ERBB4: variants seen among roughly 807,000 people sequenced by gnomAD.
ERBB4 encodes the protein receptor tyrosine-protein kinase erbB-4.
Under a neutral mutation model 158.0 loss-of-function variants are expected in ERBB4, and 42 were observed. The ratio of observed to expected loss-of-function variants is 0.27; its 90% CI spans 0.21 to 0.34. The LOEUF is 0.34. Ranked by LOEUF, ERBB4 falls within the 10% of genes least tolerant of loss-of-function variation. The pLI, the probability that ERBB4 is intolerant of heterozygous loss-of-function variation, is 1.00. For missense variants in ERBB4, 1,333 were observed against 1,624.1 expected, an observed-to-expected ratio of 0.82 and a Z score of 3.08; for synonymous variants, 583 against 558.7, an observed-to-expected ratio of 1.04 and a Z score of -0.61.
intron 2 of ERBB4, among the ~76,000 whole-genome samples, chr2:212,088,896 CAGT>C (rs534342068): frequency 1.3e-5 from 2 of 152,204 alleles, no homozygotes; most frequent in East Asian, 3.9e-4. Flanking sequence ...CAGTTTACAG[CAGT>C]AACCAAAAGC....
chr2:211,617,486 G>GA (rs2069434471), intron 19 of ERBB4, among the ~76,000 whole-genome samples: 1 of 152,070 alleles, frequency 6.6e-6, no homozygotes, highest in Non-Finnish European at 1.5e-5. Context: ...ACTGGAGAAA[G>GA]AAACAATATT....
intron 2 of ERBB4, among the ~76,000 whole-genome samples, chr2:212,001,162 CTT>C (rs1451414888): frequency 1.3e-5 from 2 of 152,102 alleles, no homozygotes; most frequent in African/African-American, 4.8e-5. Context: ...CACTACTAGA[CTT>C]AAAGAGTTAT....
chr2:211,978,494 A>G (rs1431207041), intron 2 of ERBB4, among the ~76,000 whole-genome samples: 1 of 151,952 alleles, frequency 6.6e-6, no homozygotes, highest in African/African-American at 2.4e-5. Flanking sequence ...CAGAGGCTTG[A>G]TCATCACTCA....
intron 12 of ERBB4, among the ~76,000 whole-genome samples, chr2:211,696,700 C>T (rs988648747): frequency 1.1e-4 from 16 of 151,928 alleles, no homozygotes; most frequent in African/African-American, 3.6e-4. Context: ...GAAGGAATCA[C>T]TCTCTGTTGC....
At chr2:211,836,618 C>T (rs932824140) in intron 3 of ERBB4, among the ~76,000 whole-genome samples, 2 of 151,974 alleles carry the variant, frequency 1.3e-5, no homozygotes, top group African/African-American at 4.8e-5. Context: ...GGACAATAGA[C>T]CATGCATATC....
intron 1 of ERBB4, among the ~76,000 whole-genome samples, chr2:212,491,205 G>C: frequency 6.6e-6 from 1 of 151,628 alleles, no homozygotes; most frequent in East Asian, 1.9e-4. Flanking sequence ...TCGCAAATCA[G>C]TTTACTGCCA....
intron 3 of ERBB4, among the ~76,000 whole-genome samples, chr2:211,809,668 G>T (rs930156277): frequency 6.6e-6 from 1 of 151,982 alleles, no homozygotes; most frequent in Non-Finnish European, 1.5e-5. Context: ...TTTTTTGAAG[G>T]GGTTTTGGGT....
In ERBB4 at chr2:212,099,114, G is replaced by A. The variant is rs558679403; in HGVS notation, c.234+25638C>T. ...TTTTGAGGCCAGGAGTTCAAGACTA[G>A]CCTGAGCAACATGGACAGAGCCCCT... On this transcript the variant is annotated intron_variant, in intron 2 of 27. Transcript: ENST00000342788. 4.6e-5 allele frequency among the ~76,000 whole-genome samples: 7 copies of A among 151,180 alleles called. No homozygotes were observed. The South Asian group carries it at 1.5e-3, about 31-fold the overall frequency.
chr2:212,452,199 G>C (rs1367865783), intron 1 of ERBB4, among the ~76,000 whole-genome samples: 1 of 152,012 alleles, frequency 6.6e-6, no homozygotes, highest in African/African-American at 2.4e-5. Flanking sequence ...TAATGACCTT[G>C]CATATTTTAT....
intron 3 of ERBB4, among the ~76,000 whole-genome samples, chr2:211,861,227 T>C (rs2078039690): frequency 7.6e-6 from 1 of 131,928 alleles, no homozygotes; most frequent in Non-Finnish European, 1.6e-5. Flanking sequence ...TGCAGTGGTG[T>C]GATTATGGCT....
intron 25 of ERBB4, among the ~76,000 whole-genome samples, chr2:211,396,365 ATGAG>A (rs2062917308): frequency 6.6e-6 from 1 of 152,130 alleles, no homozygotes; most frequent in African/African-American, 2.4e-5. Flanking sequence ...TTATCAACAA[ATGAG>A]TGATGTTCAC....
chr2:211,866,883 A>T (rs2078218745), intron 3 of ERBB4, among the ~76,000 whole-genome samples: 1 of 152,014 alleles, frequency 6.6e-6, no homozygotes, highest in African/African-American at 2.4e-5. Context: ...GAACAAACAC[A>T]TAAACCAAAA....
At chr2:212,129,955 T>G (rs968205102) in intron 1 of ERBB4, among the ~76,000 whole-genome samples, 1 of 152,202 alleles carries the variant, frequency 6.6e-6, no homozygotes, top group African/African-American at 2.4e-5. Context: ...GAAGAACTGG[T>G]TTGGATAGGC....
At chr2:211,831,485 G>C (rs1411925129) in intron 3 of ERBB4, among the ~76,000 whole-genome samples, 2 of 152,082 alleles carry the variant, frequency 1.3e-5, no homozygotes, top group Non-Finnish European at 2.9e-5. Context: ...AAATATTCCA[G>C]CTATGGCTTT....
chr2:212,357,071 A>T (rs1218311037), intron 1 of ERBB4, among the ~76,000 whole-genome samples: 3 of 151,898 alleles, frequency 2.0e-5, no homozygotes, highest in African/African-American at 7.2e-5. Context: ...TGTCTTATAC[A>T]TAAGTGTCTT....
intron 17 of ERBB4, among the ~76,000 whole-genome samples, chr2:211,625,966 C>T (rs1433553154): frequency 6.6e-6 from 1 of 152,130 alleles, no homozygotes; most frequent in East Asian, 1.9e-4. Flanking sequence ...ATATATTTCA[C>T]AAAAACATGT....
intron 19 of ERBB4, among the ~76,000 whole-genome samples, chr2:211,590,690 CG>C (rs1574819838): frequency 6.6e-6 from 1 of 152,076 alleles, no homozygotes; most frequent in African/African-American, 2.4e-5. Flanking sequence ...ATTCGAGTAA[CG>C]ATAAAACTCT....
chr2:211,919,348 T>C (rs1575377189), intron 3 of ERBB4, among the ~76,000 whole-genome samples: 1 of 152,230 alleles, frequency 6.6e-6, no homozygotes, highest in South Asian at 2.1e-4. Flanking sequence ...TAAGGCTTTA[T>C]ACACTTTATA....
intron 1 of ERBB4, among the ~76,000 whole-genome samples, chr2:212,143,621 CA>C (rs1005848010): frequency 6.6e-6 from 1 of 151,980 alleles, no homozygotes; most frequent in African/African-American, 2.4e-5. Context: ...TAAATAAAAA[CA>C]GATTGATTAA....
Sources: allele counts gnomAD v4.1 joint callset (sites outside exome capture counted in the v4.1 genomes callset), GRCh38; gene constraint gnomAD v4.1.1; transcripts MANE v1.5; gene names NCBI Gene and HGNC (gene_info 2026-07-23, HGNC 2026-07-21).